The following DAB1 variants were observed in gnomAD, a reference collection of about 807,000 sequenced individuals.
The protein encoded by DAB1 is DAB adaptor protein 1.
Under a neutral mutation model 64.6 loss-of-function variants are expected in DAB1, and 15 were observed. That is an observed-to-expected ratio of 0.23 (90% CI 0.16 to 0.36). The LOEUF (loss-of-function observed/expected upper bound fraction) is 0.36, where lower values mean the gene tolerates loss of function less well. DAB1 is among the 10% of genes least tolerant of loss of function. The pLI is 1.00. For missense variants in DAB1, 596 were observed against 706.7 expected, an observed-to-expected ratio of 0.84 and a Z score of 1.78; for synonymous variants, 235 against 251.9, an observed-to-expected ratio of 0.93 and a Z score of 0.64.
intron 5 of DAB1, among the ~76,000 whole-genome samples, chr1:57,903,898 C>A (rs1254562345): frequency 1.3e-5 from 2 of 152,170 alleles, no homozygotes; most frequent in African/African-American, 4.8e-5. Context: ...TAAATTTAAC[C>A]AAAAACCAGC....
chr1:57,145,337 C>A lies in DAB1; in HGVS notation c.160G>T (p.Ala54Ser). 1 of 1,614,102 alleles carries A rather than the reference C, an allele frequency of 6.2e-7. No homozygotes were observed. The highest frequency in any genetic ancestry group is 2.2e-5 in the East Asian group (1 of 44,856). ...TGACATAACTTGTCTCCCCGAGCTGCGGAAACTTCATCAATCCCGATCAAT... is the reference window on the plus strand; with the variant it reads ...TGACATAACTTGTCTCCCCGAGCTGAGGAAACTTCATCAATCCCGATCAAT... ...AKLIGIDEVS[A>S]ARGDKLCQDS... The change falls in exon 3 of 15, where the codon GCA becomes TCA. Residue 54 changes from alanine to serine, a missense_variant. Transcript: ENST00000371236.
At chr1:57,317,341 A>G (rs1347033591) in intron 1 of DAB1, among the ~76,000 whole-genome samples, 1 of 152,152 alleles carries the variant, frequency 6.6e-6, no homozygotes, top group African/African-American at 2.4e-5. Flanking sequence ...ACCCAACTCA[A>G]CTGACCCATC....
intron 5 of DAB1, among the ~76,000 whole-genome samples, chr1:58,057,250 T>C (rs1648181584): frequency 1.3e-5 from 2 of 152,156 alleles, no homozygotes; most frequent in South Asian, 4.2e-4. Context: ...CTGTCTTCTT[T>C]TCACCTTTAT....
chr1:57,454,966 GA>G (rs912006976), intron 7 of DAB1, among the ~76,000 whole-genome samples: 1 of 152,000 alleles, frequency 6.6e-6, no homozygotes, highest in African/African-American at 2.4e-5. Flanking sequence ...AAAGATACAT[GA>G]AAAAAACAGT....
At chr1:57,652,614 A>G (rs1038813386) in intron 6 of DAB1, among the ~76,000 whole-genome samples, 1 of 152,196 alleles carries the variant, frequency 6.6e-6, no homozygotes, top group African/African-American at 2.4e-5. Context: ...TTTCTGTAAA[A>G]TTGGAAGAAA....
chr1:58,219,912 G>T (rs1192963241), intron 4 of DAB1, among the ~76,000 whole-genome samples: 1 of 152,214 alleles, frequency 6.6e-6, no homozygotes, highest in Non-Finnish European at 1.5e-5. Flanking sequence ...CTTACAATAG[G>T]CTTTTTATTT....
chr1:57,884,668 T>C (rs1032369243), upstream of DAB1, among the ~76,000 whole-genome samples: 2 of 152,222 alleles, frequency 1.3e-5, no homozygotes, highest in Non-Finnish European at 2.9e-5. Flanking sequence ...GGAATGCCTT[T>C]TCCATATCCT....
chr1:57,397,280 C>T (rs1263798525), intron 1 of DAB1, among the ~76,000 whole-genome samples: 1 of 152,152 alleles, frequency 6.6e-6, no homozygotes, highest in African/African-American at 2.4e-5. Flanking sequence ...TCCACATTTC[C>T]ACATGACAGT....
At chr1:57,250,102 A>C (rs1669208430) in intron 2 of DAB1, among the ~76,000 whole-genome samples, 1 of 152,168 alleles carries the variant, frequency 6.6e-6, no homozygotes, top group Non-Finnish European at 1.5e-5. Flanking sequence ...CAGAGGAGGA[A>C]ATCAAATCCC....
At chr1:57,604,408 GA>G (rs34728915) in intron 7 of DAB1, among the ~76,000 whole-genome samples, 31,411 of 139,946 alleles carry the variant, frequency 0.22, 3,738 homozygotes, top group African/African-American at 0.36. Context: ...TATTATAAAA[GA>G]AAAAAAAAAA....
At chr1:57,071,191 G>A in intron 6 of DAB1, 130 bp from the exon 7 acceptor site, 1 of 919,504 alleles carries the variant, frequency 1.1e-6, no homozygotes, top group Non-Finnish European at 1.7e-6. Flanking sequence ...GGCCATCAAG[G>A]TAGAAAAAAC....
rs569595189 is a variant in DAB1, at chr1:58,426,642, C to T, written n.257+79418G>A. Among the ~76,000 whole-genome samples the T allele has an allele frequency of 3.3e-5, 5 of 152,266 alleles. No individual in the cohort carries two copies. The South Asian group carries it at 1.0e-3, about 32-fold the overall frequency. The stretch of plus-strand genomic sequence containing the variant: ...AGGCAGGAAACCAAAGAAATGAACC[C>T]CTGCCCTTGTGGAGATTACATTCTA... On this transcript the variant is annotated intron_variant and non_coding_transcript_variant, in intron 3 of 20. Coordinates refer to the DAB1 transcript ENST00000485760.
chr1:57,522,576 A>G (rs182770383), intron 7 of DAB1, among the ~76,000 whole-genome samples: 93 of 152,316 alleles, frequency 6.1e-4, no homozygotes, highest in Admixed American at 1.6e-3. Flanking sequence ...CATGGTGGAG[A>G]CAAAGGAGGA....
chr1:57,288,466 G>A (rs1672508244), intron 2 of DAB1, among the ~76,000 whole-genome samples: 1 of 152,182 alleles, frequency 6.6e-6, no homozygotes. Flanking sequence ...CATTGTGAGT[G>A]TGGGGCTCTT....
In DAB1 at chr1:58,046,729, C is replaced by T. The variant is rs1312541239; in HGVS notation, n.387+103782G>A. Reference sequence around the variant, plus strand: ...CCTGAGCAGCACTTGTCTTGGTATCCTTTGTGTGGTGCAGTAAACAAAGCA... The same window carrying T: ...CCTGAGCAGCACTTGTCTTGGTATCTTTTGTGTGGTGCAGTAAACAAAGCA... On this transcript the variant is annotated intron_variant and non_coding_transcript_variant, in intron 5 of 20. Transcript: ENST00000485760. Among the ~76,000 whole-genome samples the T allele has an allele frequency of 4.6e-5, 7 of 152,118 alleles. 1 individual carries two copies. The South Asian group carries it at 1.2e-3, about 27-fold the overall frequency.
At chr1:58,057,988 T>G (rs1003463524) in intron 5 of DAB1, among the ~76,000 whole-genome samples, 13 of 76,216 alleles carry the variant, frequency 1.7e-4, no homozygotes, top group Non-Finnish European at 3.5e-4. Context: ...CTCTTCTGAG[T>G]TGCACAACAC....
intron 1 of DAB1, among the ~76,000 whole-genome samples, chr1:57,844,442 G>A (rs553911481): frequency 6.6e-6 from 1 of 152,310 alleles, no homozygotes; most frequent in South Asian, 2.1e-4. Context: ...GGGCTGCAGT[G>A]TAAATGGCAG....
chr1:57,518,279 T>C (rs1644486430), intron 7 of DAB1, among the ~76,000 whole-genome samples: 1 of 152,168 alleles, frequency 6.6e-6, no homozygotes, highest in Admixed American at 6.5e-5. Flanking sequence ...GTCTTGTTTT[T>C]CTTGTACTGG....
At chr1:57,099,514 T>C (rs1189459013) in intron 4 of DAB1, among the ~76,000 whole-genome samples, 1 of 152,202 alleles carries the variant, frequency 6.6e-6, no homozygotes, top group Admixed American at 6.5e-5. Context: ...ATAGCTGTAG[T>C]TCCTCAGAAG....
Sources: gnomAD v4.1 joint callset for allele counts (sites outside exome capture counted in the v4.1 genomes callset) on GRCh38, gnomAD v4.1.1 for gene constraint, MANE v1.5 for transcripts, NCBI Gene and HGNC (gene_info 2026-07-23, HGNC 2026-07-21) for gene names.